Variants in DHX37 observed in about 807,000 individuals in gnomAD.
DHX37 encodes DEAH-box helicase 37.
DHX37 carries 52 observed loss-of-function variants against 134.3 expected under a neutral mutation model. That is an observed-to-expected ratio of 0.39 (90% CI 0.31 to 0.49). The LOEUF (loss-of-function observed/expected upper bound fraction) is 0.49. Among genes scored for constraint, DHX37 ranks in the 20% least tolerant of loss-of-function variants. DHX37 has a pLI of 0.93. For missense variants in DHX37, 1,344 were observed against 1,580.8 expected, an observed-to-expected ratio of 0.85 and a Z score of 2.54; for synonymous variants, 634 against 670.7, an observed-to-expected ratio of 0.95 and a Z score of 0.85.
Position 124,989,013 on chromosome 12 carries a change from G to A in DHX37, c.10C>T (p.Leu4=), listed in dbSNP as rs893482062. 8 of 1,370,872 alleles carry A rather than the reference G, an allele frequency of 5.8e-6. No individual in the cohort carries two copies. The African/African-American group carries it at 1.0e-4, about 18-fold the overall frequency. The allele number at this position is 1,370,872 out of a possible 1,614,324, so 84.9% of individuals were successfully genotyped here. A position where few individuals can be genotyped will look rare whatever the true frequency, so the allele number is the denominator to read the frequency against. Residue 4 remains leucine, a synonymous_variant, in exon 1 of 27, where the codon CTG becomes TTG. Transcript: ENST00000308736. MGK[L]RRRYNIKGRQ... ...CCCTTGATGTTGTAGCGCCGGCGCA[G>A]CTTCCCCATGGCGACTAGGCCAGGG... is the stretch of plus-strand genomic sequence containing the variant.
intron 8 of DHX37, among the ~76,000 whole-genome samples, chr12:124,970,713 C>A (rs1056394700): frequency 3.9e-5 from 6 of 152,224 alleles, no homozygotes; most frequent in Non-Finnish European, 7.4e-5. Context: ...AACAAGACAG[C>A]GTCTTGTTCA....
At chr12:124,952,928 G>A (rs908351791) in intron 20 of DHX37, 6 of 161,340 alleles carry the variant, frequency 3.7e-5, no homozygotes, top group African/African-American at 9.6e-5. Context: ...ACGGGAACAG[G>A]ACAGCCGGCG....
intron 21 of DHX37, among the ~76,000 whole-genome samples, 184 bp downstream of exon 21, chr12:124,952,214 T>TA (rs1297545769): frequency 5.3e-5 from 8 of 149,640 alleles, no homozygotes; most frequent in African/African-American, 4.9e-5. Flanking sequence ...AAACTGTTAT[T>TA]AAAAAAAAAA....
At chr12:124,974,869 C>T (rs1285067712) in intron 6 of DHX37, among the ~76,000 whole-genome samples, 6 of 151,852 alleles carry the variant, frequency 4.0e-5, no homozygotes, top group South Asian at 4.2e-4. Context: ...CTCTGCCTCC[C>T]GGGTTCAAGT....
At chr12:124,957,188 G>A (rs1266282232) in intron 16 of DHX37, 53 bp from the exon 17 acceptor site, 25 of 1,437,146 alleles carry the variant, frequency 1.7e-5, no homozygotes, top group East Asian at 5.3e-5. Flanking sequence ...GAACAAGTCC[G>A]GTGCTCCTGC....
At chr12:124,963,373 A>G (rs1350063604) in intron 15 of DHX37, among the ~76,000 whole-genome samples, 1 of 152,150 alleles carries the variant, frequency 6.6e-6, no homozygotes, top group East Asian at 1.9e-4. Flanking sequence ...AAGGGGGGTG[A>G]CTGCAGTGGT....
rs140803050 is a variant in DHX37 at position 124,980,528 on chromosome 12, C to A, written c.700G>T (p.Ala234Ser). ...PPLPRALAKP[A>S]VFIPVNRSPE... ...GAGCGGTTCACGGGGATGAAGACGG[C>A]GGGCTTAGCCAGGGCCCTGGGCAGT... Residue 234 changes from alanine (A) to serine (S), a missense_variant, in exon 4 of 27, where the codon GCC becomes TCC. This residue lies in a region of DHX37 where 77 missense variants were observed against 121.6 expected (regional missense o/e 0.63). Coordinates refer to ENST00000308736, the MANE Select transcript of DHX37 (RefSeq NM_032656.4). The surrounding 1 kb of genome is among the most constrained non-coding windows in gnomAD (Gnocchi z 5.3). The A allele has an allele frequency of 6.2e-7, 1 of 1,611,602 alleles. No individual in the cohort carries two copies. The highest frequency in any genetic ancestry group is 1.1e-5 in the South Asian group (1 of 90,934).
At position 124,953,940 on chromosome 12, in the gene DHX37, C is replaced by G. The variant is rs148208268; in HGVS notation, c.2635G>C (p.Gly879Arg). ...SCTPQFCEAN[G>R]LRYKAMMEIR... ...TCCATCATGGCTTTGTACCGCAGCC[C>G]GTTGGCTTCGCAAAACTGGGGTGTG... Residue 879 changes from glycine (G) to arginine (R), a missense_variant, in exon 20 of 27, where the codon GGG becomes CGG. By Grantham distance (125) the Gly-to-Arg change is moderately radical. Coordinates refer to ENST00000308736, the MANE Select transcript of DHX37 (RefSeq NM_032656.4). The G allele has an allele frequency of 6.2e-7, 1 of 1,613,144 alleles. No homozygotes were observed. Among genetic ancestry groups the G allele is most frequent in the African/African-American group, 1.3e-5 (1 of 74,936 alleles).
chr12:124,950,324 C>A lies in DHX37; in HGVS notation c.3122-81G>T, dbSNP rs1189128483. 2.5e-6 allele frequency: 4 copies of A among 1,603,790 alleles called. No individual in the cohort carries two copies. The African/African-American group carries it at 5.4e-5, about 21-fold the overall frequency. ...CCATCCCTGCCCCACCCGAGACACA[C>A]ACGTCCGGGGGCAGGGGACAGGACC... On this transcript the variant is annotated intron_variant, in intron 23 of 26. Transcript: ENST00000308736.
In DHX37 at chr12:124,968,394, T is replaced by C. The variant is rs1954440013; in HGVS notation, c.1408+140A>G. On this transcript the variant is annotated intron_variant, in intron 10 of 26. Transcript: ENST00000308736. ...GGCCAGACAGGTGTCATGAACACTC[T>C]GGAATAAGTGAGGAAGCCGAGGCCT... 1.1e-5 allele frequency: 16 copies of C among 1,402,298 alleles called. No homozygotes were observed. In the Admixed American group the frequency reaches 3.0e-4, roughly 26 times the overall value. 86.9% of individuals were successfully genotyped at this position (1,402,298 alleles called of 1,614,324 possible).
chr12:124,954,019 G>GCT (rs765729465), intron 19 of DHX37, 23 bp from the exon 20 acceptor site: 12 of 1,613,518 alleles, frequency 7.4e-6, no homozygotes, highest in Non-Finnish European at 3.4e-6. Context: ...GAGGGGGCAT[G>GCT]CTCTCTCTCT....
chr12:124,973,354 A>G (rs1289460631), intron 6 of DHX37, among the ~76,000 whole-genome samples: 1 of 152,138 alleles, frequency 6.6e-6, no homozygotes, highest in Non-Finnish European at 1.5e-5. Flanking sequence ...CAGTGAGCCA[A>G]GATCGCACCA....
intron 10 of DHX37, among the ~76,000 whole-genome samples, chr12:124,967,855 G>C (rs1242866297): frequency 2.0e-5 from 3 of 152,026 alleles, no homozygotes; most frequent in Non-Finnish European, 2.9e-5. Flanking sequence ...GCTCACCTGA[G>C]GTCAGGAGTT....
At chr12:124,956,936 G>A in intron 17 of DHX37, 57 bp from the exon 18 acceptor site, 2 of 1,543,530 alleles carry the variant, frequency 1.3e-6, no homozygotes, top group Non-Finnish European at 1.8e-6. Context: ...GCCACAGCTG[G>A]GAGGCCCCAC....
intron 8 of DHX37, 124 bp downstream of exon 8, chr12:124,971,178 G>A (rs1218044958): frequency 2.0e-5 from 29 of 1,439,554 alleles, no homozygotes; most frequent in East Asian, 2.0e-4. Flanking sequence ...CCTTGTGCTC[G>A]GGGTACCTGC....
intron 2 of DHX37, among the ~76,000 whole-genome samples, chr12:124,984,705 A>G (rs538186831): frequency 6.6e-6 from 1 of 152,294 alleles, no homozygotes; most frequent in East Asian, 1.9e-4. Context: ...ATAAAAGATT[A>G]GGTGTGCTAA....
At position 124,956,714 on chromosome 12, in the gene DHX37, C is replaced by T; in HGVS notation, c.2430G>A (p.Arg810=). Residue 810 remains arginine (R), a synonymous_variant, in exon 18 of 27, where the codon CGG becomes CGA. Coordinates refer to ENST00000308736, the MANE Select transcript of DHX37 (RefSeq NM_032656.4). ...ACCTGTCCAGCTCCTCAAACAGCTC[C>T]CGCACCGTCATGCTGGCCACGATGG... ...AITIVASMTV[R]ELFEELDRPA... is the part of the protein sequence containing the mutation. The T allele has an allele frequency of 6.3e-7, 1 of 1,583,502 alleles. No individual in the cohort carries two copies. The highest frequency in any genetic ancestry group is 1.1e-5 in the South Asian group (1 of 88,782).
At chr12:124,965,628 A>T (rs1343978890) in intron 13 of DHX37, 40 bp downstream of exon 13, 3 of 1,562,728 alleles carry the variant, frequency 1.9e-6, no homozygotes, top group Non-Finnish European at 1.7e-6. Flanking sequence ...CTCAGGGCAG[A>T]GATAATGAAC....
chr12:124,968,786 G>C, intron 9 of DHX37, 81 bp downstream of exon 9: 1 of 1,597,802 alleles, frequency 6.3e-7, no homozygotes, highest in South Asian at 1.1e-5. Context: ...CTGTGACCAA[G>C]TGAGGTCTCT....
Sources: allele counts gnomAD v4.1 joint callset (sites outside exome capture counted in the v4.1 genomes callset), GRCh38; gene constraint gnomAD v4.1.1; regional missense constraint gnomAD v4.1.1; non-coding constraint Gnocchi (gnomAD v3.1); transcripts MANE v1.5; gene names NCBI Gene and HGNC (gene_info 2026-07-23, HGNC 2026-07-21).